PKLR: variants seen among roughly 807,000 people sequenced by gnomAD.
The protein encoded by PKLR is pyruvate kinase L/R, also known as pyruvate kinase PKLR.
In PKLR, 38 loss-of-function variants were observed where a neutral mutation model predicts 53.6. The observed-to-expected ratio is 0.71, with a 90% CI of 0.55 to 0.93. The LOEUF (loss-of-function observed/expected upper bound fraction) is 0.93, where lower values mean the gene tolerates loss of function less well. PKLR is among the 40% of genes least tolerant of loss of function. The pLI is 0.00. For synonymous variants in PKLR, 328 were observed against 316.2 expected (o/e 1.04, Z -0.39); for missense variants, 702 against 787.3 (o/e 0.89, Z 1.30).
intron 5 of PKLR, 141 bp from the exon 6 acceptor site, chr1:155,294,893 C>A: frequency 8.2e-7 from 1 of 1,215,988 alleles, no homozygotes. Context: ...GGGCTTCGCC[C>A]GGAAGAGGCA....
Position 155,301,305 on chromosome 1 carries a change from C to T in PKLR, c.91G>A (p.Ala31Thr), listed in dbSNP as rs1446138836. 1 of 1,614,098 alleles carries T rather than the reference C, an allele frequency of 6.2e-7. No homozygotes were observed. The highest frequency in any genetic ancestry group is 1.7e-5 in the Admixed American group (1 of 60,020). The change falls in exon 1 of 11, where the codon GCT becomes ACT. Residue 31 changes from alanine to threonine, a missense_variant. Around this residue, in one of 2 missense-constraint regions of PKLR, gnomAD observed 519 missense variants for 537.1 expected, o/e 0.97. Transcript: ENST00000342741. Reference protein sequence around the residue: ...RDLAKSILIGAPGGPAGYLRR... With the variant: ...RDLAKSILIGTPGGPAGYLRR... ...TGTCTCCCCTTCTTACCTCCTGGAG[C>T]CCCAATCAGGATGGACTTTGCTAAG...
At position 155,293,366 on chromosome 1, in the gene PKLR, C is replaced by T. The variant is rs1343788175; in HGVS notation, c.1270-23G>A. On this transcript the variant is annotated intron_variant, in intron 8 of 10. Transcript: ENST00000342741. This position sits in a 1 kb window ranked among gnomAD's most constrained non-coding sequence, Gnocchi z 4.2. Reference sequence around the variant, plus strand: ...AATCTGCAGGTGCCAGAATGTTAGTCTGGGAAGGGGCACTGGGGTATGGAA... The same window carrying T: ...AATCTGCAGGTGCCAGAATGTTAGTTTGGGAAGGGGCACTGGGGTATGGAA... 1 of 1,614,224 alleles carries T rather than the reference C, an allele frequency of 6.2e-7. No homozygotes were observed. Among genetic ancestry groups the T allele is most frequent in the Non-Finnish European group, 8.5e-7 (1 of 1,180,038 alleles).
At chr1:155,297,948 A>G (rs1399094657) in intron 2 of PKLR, among the ~76,000 whole-genome samples, 1 of 151,936 alleles carries the variant, frequency 6.6e-6, no homozygotes, top group Non-Finnish European at 1.5e-5. Context: ...TGACCTCCCT[A>G]TTTAGGGCTG....
At position 155,293,202 on chromosome 1, in the gene PKLR, T is replaced by A; in HGVS notation, c.1411A>T (p.Ile471Phe). The stretch of plus-strand genomic sequence containing the variant: ...CGGCCAGTTGTGGTCAGCACAATGA[T>A]GGCAGCAGCACAGCACTTGAAGGCA... ...EAAFKCCAAA[I>F]IVLTTTGRSA... The change falls in exon 9 of 11, where the codon ATC becomes TTC. Residue 471 changes from isoleucine to phenylalanine, a missense_variant. Around this residue, in one of 2 missense-constraint regions of PKLR, gnomAD observed 183 missense variants for 250.2 expected, o/e 0.73. Transcript: ENST00000342741. This position sits in a 1 kb window ranked among gnomAD's most constrained non-coding sequence, Gnocchi z 4.2. The A allele has an allele frequency of 6.2e-7, 1 of 1,614,134 alleles. No individual in the cohort carries two copies. Among genetic ancestry groups the A allele is most frequent in the Non-Finnish European group, 8.5e-7 (1 of 1,180,012 alleles).
chr1:155,297,015 G>A (rs1647637317), intron 2 of PKLR, among the ~76,000 whole-genome samples: 1 of 152,040 alleles, frequency 6.6e-6, no homozygotes, highest in South Asian at 2.1e-4. Flanking sequence ...CTGACCTCCA[G>A]GGCTGCACCC....
chr1:155,295,476 G>A lies in PKLR; in HGVS notation c.468C>T (p.Asp156=), dbSNP rs1017711732. 6 of 1,609,174 alleles carry A rather than the reference G, an allele frequency of 3.7e-6. No individual in the cohort carries two copies. In the African/African-American group the frequency reaches 5.3e-5, roughly 14 times the overall value. ...LSYRPVAIAL[D]TKGPEIRTGI... is the part of the protein sequence containing the mutation. ...CAGTGCGGATCTCCGGTCCCTTGGT[G>A]TCCAGGGCGATGGCCACGGGCCGGT... Residue 156 remains aspartate (D), a synonymous_variant, in exon 4 of 11, where the codon GAC becomes GAT. Transcript: ENST00000342741. The surrounding 1 kb of genome is among the most constrained non-coding windows in gnomAD (Gnocchi z 4.3).
At chr1:155,299,022 C>CTTTCTTTCTT (rs1647806277) in intron 2 of PKLR, among the ~76,000 whole-genome samples, 1 of 97,024 alleles carries the variant, frequency 1.0e-5, no homozygotes. Flanking sequence ...TTCTTTCTTT[C>CTTTCTTTCTT]TTTCTTTCTT....
upstream of PKLR, among the ~76,000 whole-genome samples, chr1:155,302,330 G>A (rs1350352941): frequency 6.7e-6 from 1 of 150,336 alleles, no homozygotes; most frequent in Non-Finnish European, 1.5e-5. Flanking sequence ...TCTGCCTCCT[G>A]GGTTCAAGCG....
chr1:155,294,967 G>T, intron 5 of PKLR, 149 bp downstream of exon 5: 1 of 1,048,562 alleles, frequency 9.5e-7, no homozygotes, highest in Non-Finnish European at 1.4e-6. Flanking sequence ...GGTGAGCGCA[G>T]AGTCTACACG....
Position 155,293,607 on chromosome 1 carries a change from A to T in PKLR, c.1117-17T>A, listed in dbSNP as rs1647361344. On this transcript the variant is annotated splice_polypyrimidine_tract_variant and intron_variant, in intron 7 of 10. Coordinates refer to ENST00000342741, the MANE Select transcript of PKLR (RefSeq NM_000298.6). This position sits in a 1 kb window ranked among gnomAD's most constrained non-coding sequence, Gnocchi z 4.2. Reference sequence around the variant, plus strand: ...CTCCAGCATCTGGGGGACAGCGTGGATGTCAAAGTTGTAGGACTCACACTG... The same window carrying T: ...CTCCAGCATCTGGGGGACAGCGTGGTTGTCAAAGTTGTAGGACTCACACTG... The T allele has an allele frequency of 1.2e-6, 2 of 1,613,818 alleles. No homozygotes were observed. Among genetic ancestry groups the T allele is most frequent in the Non-Finnish European group, 1.7e-6 (2 of 1,179,910 alleles).
At chr1:155,299,254 G>A (rs148145181) in intron 2 of PKLR, among the ~76,000 whole-genome samples, 5 of 148,972 alleles carry the variant, frequency 3.4e-5, no homozygotes, top group African/African-American at 5.0e-5. Context: ...ACAGTGGCTC[G>A]ATCATGACTC....
chr1:155,294,840 G>A (rs994311298), intron 5 of PKLR, 88 bp from the exon 6 acceptor site: 13 of 1,508,632 alleles, frequency 8.6e-6, no homozygotes, highest in Middle Eastern at 2.3e-4. Context: ...GGACCCGCAA[G>A]AGGTCAGGAA....
At chr1:155,291,006 AT>A in intron 10 of PKLR, among the ~76,000 whole-genome samples, 1 of 136,242 alleles carries the variant, frequency 7.3e-6, no homozygotes, top group African/African-American at 3.0e-5. Flanking sequence ...AATAATAATA[AT>A]AATAATAATA....
chr1:155,294,620 A>ACCCCATGCTCCT lies in PKLR; in HGVS notation c.826_827insAGGAGCATGGGG (p.Gly275_Val276insGluGluHisGly). The stretch of plus-strand genomic sequence containing the variant: ...AAAGACGATGTCCACCCCATGCTCC[A>ACCCCATGCTCCT]CCCCGAAGCGCAGGTCTCGGACGTC... On this transcript the variant is annotated inframe_insertion, in exon 6 of 11. Transcript: ENST00000342741. The ACCCCATGCTCCT allele has an allele frequency of 6.2e-7, 1 of 1,614,018 alleles. No homozygotes were observed. The highest frequency in any genetic ancestry group is 2.2e-5 in the East Asian group (1 of 44,872).
upstream of PKLR, chr1:155,301,537 C>G (rs1048589525): frequency 9.7e-6 from 10 of 1,031,436 alleles, no homozygotes; most frequent in African/African-American, 1.6e-5. Flanking sequence ...ATCCCTCCCC[C>G]AGAACGGCCT....
Position 155,293,458 on chromosome 1 carries a change from C to T in PKLR, c.1249G>A (p.Ala417Thr). The T allele has an allele frequency of 6.2e-7, 1 of 1,614,258 alleles. No homozygotes were observed. Among genetic ancestry groups the T allele is most frequent in the Non-Finnish European group, 8.5e-7 (1 of 1,180,054 alleles). ...ETAKGNFPVE[A>T]VKMQHAIARE... Reference sequence around the variant, plus strand: ...CCTACCGCATGCTGCATCTTCACCGCTTCCACAGGGAAGTTGCCCTTGGCA... The same window carrying T: ...CCTACCGCATGCTGCATCTTCACCGTTTCCACAGGGAAGTTGCCCTTGGCA... The change falls in exon 8 of 11, where the codon GCG becomes ACG. Residue 417 changes from alanine (A) to threonine (T), a missense_variant. Ala to Thr is a moderately conservative substitution (Grantham distance 58, BLOSUM62 0). This residue lies in a region of PKLR where 183 missense variants were observed against 250.2 expected (regional missense o/e 0.73). Coordinates refer to ENST00000342741, the MANE Select transcript of PKLR (RefSeq NM_000298.6). This position sits in a 1 kb window ranked among gnomAD's most constrained non-coding sequence, Gnocchi z 4.2.
chr1:155,294,699 T>C lies in PKLR; in HGVS notation c.748A>G (p.Lys250Glu). 1 of 1,613,916 alleles carries C rather than the reference T, an allele frequency of 6.2e-7. No homozygotes were observed. The highest frequency in any genetic ancestry group is 8.5e-7 in the Non-Finnish European group (1 of 1,180,010). Residue 250 changes from lysine to glutamate, a missense_variant, in exon 6 of 11, where the codon AAG becomes GAG. This residue lies in a region of PKLR where 519 missense variants were observed against 537.1 expected (regional missense o/e 0.97). Coordinates refer to ENST00000342741, the MANE Select transcript of PKLR (RefSeq NM_000298.6). The part of the protein sequence containing the change: ...VENGGVLGSR[K>E]GVNLPGAQVD... The stretch of plus-strand genomic sequence containing the variant: ...TGGGCCCCTGGCAAGTTCACGCCCT[T>C]CCGGCTGCCCAGGACGCCGCCGTTC...
chr1:155,297,102 C>A lies in PKLR; in HGVS notation c.284-1346G>T, dbSNP rs184779915. ...TTGTTCCTCCCCTTAACGTTAGATA[C>A]CCTGTTCTCTTCTCCGTCATTTCAC... On this transcript the variant is annotated intron_variant, in intron 2 of 10. Transcript: ENST00000342741. Among the ~76,000 whole-genome samples, 3 of 152,256 alleles carry A rather than the reference C, an allele frequency of 2.0e-5. No homozygotes were observed. The East Asian group carries it at 5.8e-4, about 29-fold the overall frequency.
In PKLR at chr1:155,290,125, A is replaced by T. The variant is rs1192467745; in HGVS notation, c.*447T>A. The T allele has an allele frequency of 1.6e-5, 3 of 185,286 alleles. No homozygotes were observed. Among genetic ancestry groups the T allele is most frequent in the African/African-American group, 7.0e-5 (3 of 42,796 alleles). The allele number at this position is 185,286 out of a possible 1,614,324, so 11.5% of individuals were successfully genotyped here. ...CCATGAAGGGGTAGCCTGCCCTGGCACGAGATGCCCAGATTATCATGAGGG... is the reference window on the plus strand; with the variant it reads ...CCATGAAGGGGTAGCCTGCCCTGGCTCGAGATGCCCAGATTATCATGAGGG... On this transcript the variant is annotated 3_prime_UTR_variant, in exon 11 of 11. Coordinates refer to ENST00000342741, the MANE Select transcript of PKLR (RefSeq NM_000298.6).
Sources: allele counts gnomAD v4.1 joint callset (sites outside exome capture counted in the v4.1 genomes callset), GRCh38; gene constraint gnomAD v4.1.1; regional missense constraint gnomAD v4.1.1; non-coding constraint Gnocchi (gnomAD v3.1); transcripts MANE v1.5; gene names NCBI Gene and HGNC (gene_info 2026-07-23, HGNC 2026-07-21).